Variants in DIPK2B observed in about 807,000 individuals in gnomAD.
The protein encoded by DIPK2B is UPF0672 protein CXorf36.
A neutral mutation model predicts 22.2 loss-of-function variants in DIPK2B; 15 were observed. The ratio of observed to expected loss-of-function variants is 0.68; its 90% CI spans 0.45 to 1.04. The LOEUF is 1.04. Ranked by LOEUF, DIPK2B falls within the 50% of genes least tolerant of loss-of-function variation. DIPK2B has a pLI of 0.00. For synonymous variants in DIPK2B, 163 were observed against 153.2 expected, an observed-to-expected ratio of 1.06 and a Z score of -0.47; for missense variants, 345 against 348.3, an observed-to-expected ratio of 0.99 and a Z score of 0.08.
intron 2 of DIPK2B, among the ~76,000 whole-genome samples, chrX:45,159,625 C>T (rs1042399412): frequency 1.0e-3 from 114 of 111,116 alleles, no homozygotes; most frequent in African/African-American, 3.5e-3. Context: ...ACCTGCCCTC[C>T]GGGGTGTCTC....
chrX:45,172,877 C>T (rs1398164435), intron 2 of DIPK2B, among the ~76,000 whole-genome samples: 1 of 111,775 alleles, frequency 8.9e-6, no homozygotes, highest in Non-Finnish European at 1.9e-5. Flanking sequence ...CTTCTGACAA[C>T]TCATTCGTGC....
At chrX:45,198,084 AGATGT>A (rs1463824290) in intron 1 of DIPK2B, among the ~76,000 whole-genome samples, 1 of 112,213 alleles carries the variant, frequency 8.9e-6, no homozygotes, top group Non-Finnish European at 1.9e-5. Context: ...TAATGTGGAA[AGATGT>A]TCCTGATATA....
chrX:45,175,312 C>T (rs4614122), intron 2 of DIPK2B, among the ~76,000 whole-genome samples: 45,515 of 109,770 alleles, frequency 0.41, 7,703 homozygotes, highest in African/African-American at 0.66. Flanking sequence ...CAGTCAACAA[C>T]AGTGAATAAA....
intron 2 of DIPK2B, among the ~76,000 whole-genome samples, chrX:45,161,768 T>A (rs2047023868): frequency 8.9e-6 from 1 of 111,858 alleles, no homozygotes; most frequent in African/African-American, 3.3e-5. Context: ...GGTTGGGGGC[T>A]GTTGGTGAGA....
intron 2 of DIPK2B, chrX:45,162,704 C>T: frequency 1.3e-6 from 1 of 754,537 alleles, no homozygotes; most frequent in East Asian, 1.5e-4. Flanking sequence ...AACTTACCAC[C>T]TCCCAGTGAA....
chrX:45,159,603 G>C (rs1316966615), intron 2 of DIPK2B, among the ~76,000 whole-genome samples: 1 of 111,425 alleles, frequency 9.0e-6, no homozygotes, highest in East Asian at 2.9e-4. Context: ...GACACAAAGG[G>C]AACAAAACAG....
chrX:45,181,073 T>C (rs2047148653), intron 2 of DIPK2B, among the ~76,000 whole-genome samples: 1 of 111,877 alleles, frequency 8.9e-6, no homozygotes, highest in African/African-American at 3.2e-5. Context: ...TTTGAAGCCA[T>C]GCAAATTATA....
At chrX:45,155,422 CA>C (rs796781059) in intron 3 of DIPK2B, among the ~76,000 whole-genome samples, 58 of 89,049 alleles carry the variant, frequency 6.5e-4, no homozygotes, top group Admixed American at 3.6e-3. Context: ...GACTCTGTCT[CA>C]AAAAAAAAAT....
At chrX:45,185,620 C>T (rs189085820) in intron 2 of DIPK2B, among the ~76,000 whole-genome samples, 1 of 107,634 alleles carries the variant, frequency 9.3e-6, no homozygotes, top group African/African-American at 3.4e-5. Flanking sequence ...ACTGGGGAAG[C>T]CTTTCACTGT....
At chrX:45,159,626 G>A (rs986447407) in intron 2 of DIPK2B, among the ~76,000 whole-genome samples, 8 of 111,093 alleles carry the variant, frequency 7.2e-5, no homozygotes, top group Admixed American at 2.9e-4. Context: ...CCTGCCCTCC[G>A]GGGTGTCTCT....
rs1887330121 is a variant in DIPK2B, at chrX:45,151,523, C to T, written c.*129G>A. On this transcript the variant is annotated 3_prime_UTR_variant, in exon 5 of 5. Transcript: ENST00000398000. ...GGTATCTCACAACTCCCCTCTCAGT[C>T]CCTAAGAAATGAGTGTGCCTTTCTT... 1.5e-6 allele frequency: 1 copy of T among 677,095 alleles called. No homozygotes were observed. Among genetic ancestry groups the T allele is most frequent in the African/African-American group, 2.2e-5 (1 of 45,769 alleles). The allele number at this position is 677,095 out of a possible 1,213,427, so 55.8% of individuals were successfully genotyped here.
chrX:45,168,344 T>C (rs1474388068), intron 2 of DIPK2B, among the ~76,000 whole-genome samples: 1 of 112,498 alleles, frequency 8.9e-6, no homozygotes, highest in African/African-American at 3.2e-5. Flanking sequence ...ATTTGGAGTT[T>C]TCCTTGGATC....
intron 2 of DIPK2B, among the ~76,000 whole-genome samples, chrX:45,168,725 C>T (rs1448831663): frequency 8.9e-6 from 1 of 112,119 alleles, no homozygotes; most frequent in Non-Finnish European, 1.9e-5. Context: ...CGCATGTCTT[C>T]TCCGTGTCTC....
chrX:45,190,269 A>G (rs1346468687), intron 2 of DIPK2B, among the ~76,000 whole-genome samples: 1 of 112,151 alleles, frequency 8.9e-6, no homozygotes, highest in Admixed American at 9.4e-5. Context: ...TTTGCTAAAT[A>G]AATGAAGCAG....
At chrX:45,156,632 G>A (rs1569544364) in intron 3 of DIPK2B, among the ~76,000 whole-genome samples, 1 of 111,494 alleles carries the variant, frequency 9.0e-6, no homozygotes, top group Admixed American at 9.5e-5. Context: ...TTGGCTAAAA[G>A]TGACTTGGGC....
intron 1 of DIPK2B, among the ~76,000 whole-genome samples, chrX:45,193,825 A>T (rs931600245): frequency 2.0e-4 from 22 of 111,492 alleles, no homozygotes; most frequent in Non-Finnish European, 1.3e-4. Context: ...CTCTAGGTGG[A>T]TAAGGAAGGG....
At chrX:45,195,957 T>C (rs960801103) in intron 1 of DIPK2B, among the ~76,000 whole-genome samples, 13 of 112,434 alleles carry the variant, frequency 1.2e-4, no homozygotes, top group African/African-American at 3.2e-4. Context: ...CATCCCCCAG[T>C]TGGGACCTTC....
At chrX:45,156,979 C>A (rs751743862) in intron 3 of DIPK2B, among the ~76,000 whole-genome samples, 78 of 108,404 alleles carry the variant, frequency 7.2e-4, no homozygotes, top group African/African-American at 2.4e-3. Context: ...CTTCCTCCTT[C>A]TCCTCCTCAC....
At chrX:45,177,569 C>G (rs1204140742) in intron 2 of DIPK2B, among the ~76,000 whole-genome samples, 1 of 110,737 alleles carries the variant, frequency 9.0e-6, no homozygotes, top group Non-Finnish European at 1.9e-5. Context: ...GTGGAAGCTT[C>G]CTGAGGCCCC....
Sources: gnomAD v4.1 joint callset for allele counts (sites outside exome capture counted in the v4.1 genomes callset) on GRCh38, gnomAD v4.1.1 for gene constraint, MANE v1.5 for transcripts, NCBI Gene and HGNC (gene_info 2026-07-23, HGNC 2026-07-21) for gene names.